Variants in EYS observed in about 807,000 individuals in gnomAD.
EYS encodes protein eyes shut homolog.
EYS carries 250 observed loss-of-function variants against 282.1 expected under a neutral mutation model. That is an observed-to-expected ratio of 0.89 (90% CI 0.80 to 0.98). EYS has a LOEUF of 0.98. Among genes scored for constraint, EYS ranks in the 50% least tolerant of loss-of-function variants. EYS has a pLI of 0.00. For missense variants in EYS, 4,016 were observed against 3,709.0 expected (o/e 1.08, Z -2.15); for synonymous variants, 1,355 against 1,282.9 (o/e 1.06, Z -1.20).
At chr6:64,372,057 C>T (rs951495793) in intron 29 of EYS, among the ~76,000 whole-genome samples, 2 of 148,618 alleles carry the variant, frequency 1.3e-5, no homozygotes, top group East Asian at 4.0e-4. Context: ...ATCTTGTCAT[C>T]ATGTTGTTAG....
intron 30 of EYS, among the ~76,000 whole-genome samples, chr6:64,248,787 G>A (rs1247632014): frequency 6.6e-6 from 1 of 152,074 alleles, no homozygotes; most frequent in Non-Finnish European, 1.5e-5. Context: ...GGGTGCAGTG[G>A]CTCACACCTA....
chr6:65,102,753 C>T (rs902207697), intron 12 of EYS, among the ~76,000 whole-genome samples: 22 of 151,078 alleles, frequency 1.5e-4, no homozygotes, highest in Non-Finnish European at 2.4e-4. Flanking sequence ...TCAGGGAAAA[C>T]ATCTATTTTC....
intron 35 of EYS, among the ~76,000 whole-genome samples, chr6:63,920,661 A>G (rs1266718243): frequency 6.6e-6 from 1 of 152,144 alleles, no homozygotes; most frequent in African/African-American, 2.4e-5. Flanking sequence ...TCCTGACAGG[A>G]CCCTGACTGC....
intron 5 of EYS, among the ~76,000 whole-genome samples, chr6:65,487,018 T>A (rs911819398): frequency 2.0e-5 from 3 of 151,926 alleles, no homozygotes; most frequent in African/African-American, 4.8e-5. Flanking sequence ...TTTTCAACAA[T>A]GATTTTGTAT....
intron 30 of EYS, among the ~76,000 whole-genome samples, chr6:64,249,424 T>C (rs1767132505): frequency 1.3e-5 from 2 of 152,124 alleles, no homozygotes; most frequent in African/African-American, 4.8e-5. Context: ...AATTACTAAA[T>C]GGGTACAATG....
At chr6:65,239,570 T>A (rs1767007340) in intron 12 of EYS, among the ~76,000 whole-genome samples, 1 of 152,100 alleles carries the variant, frequency 6.6e-6, no homozygotes, top group South Asian at 2.1e-4. Flanking sequence ...ACTATTAAGA[T>A]GACTCCAGAT....
chr6:63,802,801 C>T (rs1770813375), intron 37 of EYS, among the ~76,000 whole-genome samples: 1 of 151,970 alleles, frequency 6.6e-6, no homozygotes, highest in Non-Finnish European at 1.5e-5. Flanking sequence ...CTTGCTCCCT[C>T]ATGTGGTGCA....
At chr6:64,702,718 T>C (rs9351384) in intron 22 of EYS, among the ~76,000 whole-genome samples, 103,357 of 151,904 alleles carry the variant, frequency 0.68, 36,223 homozygotes, top group Middle Eastern at 0.78. Context: ...TACTCATTTG[T>C]TTATTTAGCA....
chr6:64,171,021 G>A (rs940084357), intron 31 of EYS, among the ~76,000 whole-genome samples: 15 of 151,914 alleles, frequency 9.9e-5, no homozygotes, highest in Non-Finnish European at 1.9e-4. Flanking sequence ...TGAACCTACC[G>A]CTTCTTCTGC....
intron 1 of EYS, among the ~76,000 whole-genome samples, chr6:65,703,188 T>A (rs1769741785): frequency 6.6e-6 from 1 of 152,136 alleles, no homozygotes; most frequent in African/African-American, 2.4e-5. Flanking sequence ...TCTCTCTGTC[T>A]CTCCTCTATC....
At chr6:65,312,495 C>T (rs1247457756) in intron 11 of EYS, among the ~76,000 whole-genome samples, 2 of 152,082 alleles carry the variant, frequency 1.3e-5, no homozygotes, top group African/African-American at 2.4e-5. Context: ...AAAAAGAGAC[C>T]TCCCAAACTC....
chr6:65,058,729 T>A (rs949461526), intron 12 of EYS, among the ~76,000 whole-genome samples: 1 of 150,942 alleles, frequency 6.6e-6, no homozygotes, highest in Non-Finnish European at 1.5e-5. Context: ...TTGCTAAAGC[T>A]GACCTTTCTT....
chr6:65,090,188 G>A (rs939745751), intron 12 of EYS, among the ~76,000 whole-genome samples: 1 of 152,044 alleles, frequency 6.6e-6, no homozygotes, highest in African/African-American at 2.4e-5. Flanking sequence ...TCAAGGGCAG[G>A]ACCAGGTGAA....
At chr6:64,861,073 C>T (rs1403282805) in intron 19 of EYS, among the ~76,000 whole-genome samples, 2 of 152,198 alleles carry the variant, frequency 1.3e-5, no homozygotes, top group African/African-American at 4.8e-5. Context: ...AAAGGTGGGG[C>T]TTCACTGGGT....
In EYS at chr6:65,690,422, C is replaced by T. The variant is rs2149844257; in HGVS notation, c.-448+16713G>A. 2.0e-5 allele frequency among the ~76,000 whole-genome samples: 3 copies of T among 149,872 alleles called. No homozygotes were observed. The South Asian group carries it at 6.5e-4, about 32-fold the overall frequency. On this transcript the variant is annotated intron_variant, in intron 1 of 42. Transcript: ENST00000503581. ...CTCATGCGTCCGTTTATAAACTCTC[C>T]ACAAGGGTCGCATTCCATTCCCAGA...
At chr6:64,084,234 G>A (rs1772072992) in intron 31 of EYS, among the ~76,000 whole-genome samples, 1 of 152,204 alleles carries the variant, frequency 6.6e-6, no homozygotes. Context: ...GCCATACCCT[G>A]CCTTCTTTCT....
chr6:65,082,634 G>A (rs1378927194), intron 12 of EYS, among the ~76,000 whole-genome samples: 3 of 151,896 alleles, frequency 2.0e-5, no homozygotes, highest in African/African-American at 7.2e-5. Flanking sequence ...ACAGAAACTT[G>A]CTTCTACATT....
intron 12 of EYS, among the ~76,000 whole-genome samples, chr6:65,184,429 T>C (rs1765467977): frequency 6.6e-6 from 1 of 151,866 alleles, no homozygotes; most frequent in Admixed American, 6.6e-5. Context: ...AGCCATCTTT[T>C]AAAAGTCCCT....
rs555041234 is a variant in EYS at position 64,869,011 on chromosome 6, G to C, written c.2992+17686C>G. On this transcript the variant is annotated intron_variant, in intron 19 of 42. Transcript: ENST00000503581. The stretch of plus-strand genomic sequence containing the variant: ...TAAGAGCCTTTTAATCCTTTAAACT[G>C]TAATTTATTAATTAGGTAATATGCT... Among the ~76,000 whole-genome samples the C allele has an allele frequency of 2.0e-4, 30 of 151,542 alleles. 1 individual carries two copies. Among genetic ancestry groups the C allele is most frequent in the African/African-American group, 7.0e-4 (29 of 41,508 alleles).
Sources: allele counts gnomAD v4.1 joint callset (sites outside exome capture counted in the v4.1 genomes callset), GRCh38; gene constraint gnomAD v4.1.1; transcripts MANE v1.5; gene names NCBI Gene and HGNC (gene_info 2026-07-23, HGNC 2026-07-21).